Variants in WNK2 observed in about 807,000 individuals in gnomAD.
WNK2 encodes WNK lysine deficient protein kinase 2, also known as serine/threonine-protein kinase WNK2.
In WNK2, 67 loss-of-function variants were observed where a neutral mutation model predicts 192.1. That is an observed-to-expected ratio of 0.35 (90% CI 0.29 to 0.43). The LOEUF (loss-of-function observed/expected upper bound fraction) is 0.43. Among genes scored for constraint, WNK2 ranks in the 20% least tolerant of loss-of-function variants. The probability of loss-of-function intolerance (pLI) is 1.00; values close to 1 mark genes in which losing one functional copy is unlikely to be tolerated. For missense variants in WNK2, 2,698 were observed against 3,089.7 expected (o/e 0.87, Z 3.01); for synonymous variants, 1,439 against 1,393.9 (o/e 1.03, Z -0.72).
chr9:93,300,661 G>A (rs1052102488), intron 26 of WNK2, among the ~76,000 whole-genome samples: 1 of 152,136 alleles, frequency 6.6e-6, no homozygotes, highest in African/African-American at 2.4e-5. Flanking sequence ...GAGCCTATAC[G>A]GTTCTAAAGG....
chr9:93,297,798 G>A (rs1324621727), intron 23 of WNK2, 55 bp from the exon 24 acceptor site: 5 of 1,513,664 alleles, frequency 3.3e-6, no homozygotes, highest in Non-Finnish European at 4.5e-6. Context: ...AGGAGCTGGC[G>A]GTGTTGGAAA....
chr9:93,268,668 G>A lies in WNK2; in HGVS notation c.3955G>A (p.Ala1319Thr). The A allele has an allele frequency of 6.2e-7, 1 of 1,613,526 alleles. No individual in the cohort carries two copies. The highest frequency in any genetic ancestry group is 8.5e-7 in the Non-Finnish European group (1 of 1,179,806). Residue 1319 changes from alanine (A) to threonine (T), a missense_variant, in exon 19 of 30, where the codon GCT (alanine) becomes ACT (threonine). By Grantham distance (58) the Ala-to-Thr change is moderately conservative. Transcript: ENST00000427277. ...GKRWFIICPV[A>T]EHPAPEAPES... is the part of the protein sequence containing the mutation. ...GAGGTGGTTCATCATCTGTCCGGTGGCTGAGCACCCCGCCCCCGAGGCCCC... is the reference window on the plus strand; with the variant it reads ...GAGGTGGTTCATCATCTGTCCGGTGACTGAGCACCCCGCCCCCGAGGCCCC...
rs571834405 is a variant in WNK2 at position 93,268,766 on chromosome 9, A to T, written c.4033+20A>T. 2 of 1,604,240 alleles carry T rather than the reference A, an allele frequency of 1.2e-6. No homozygotes were observed. Among genetic ancestry groups the T allele is most frequent in the African/African-American group, 2.7e-5 (2 of 74,346 alleles). The stretch of plus-strand genomic sequence containing the variant: ...GCCAAGGTATGAGCAGCAGGCGCCC[A>T]CACAAGCCCCTCCCTGTTTCATGTA... On this transcript the variant is annotated intron_variant, in intron 19 of 29. Transcript: ENST00000427277.
chr9:93,288,691 A>T, intron 19 of WNK2, 97 bp from the exon 20 acceptor site: 1 of 1,257,036 alleles, frequency 8.0e-7, no homozygotes. Context: ...CGCTGGGGCC[A>T]TGGCCAGCTG....
At chr9:93,291,212 C>T (rs759356332) in intron 21 of WNK2, among the ~76,000 whole-genome samples, 15 of 152,182 alleles carry the variant, frequency 9.9e-5, no homozygotes, top group South Asian at 2.1e-4. Context: ...GCCCTGACCA[C>T]GCTGGGCTGC....
At chr9:93,237,710 C>G (rs1444343413) in intron 5 of WNK2, among the ~76,000 whole-genome samples, 1 of 152,212 alleles carries the variant, frequency 6.6e-6, no homozygotes, top group East Asian at 1.9e-4. Context: ...TGTACACATC[C>G]TGACCTGTGT....
At position 93,185,130 on chromosome 9, in the gene WNK2, C is replaced by T; in HGVS notation, c.201C>T (p.Pro67=). 2.3e-6 allele frequency: 3 copies of T among 1,307,058 alleles called. No homozygotes were observed. The highest frequency in any genetic ancestry group is 1.9e-5 in the South Asian group (1 of 52,600). 81.0% of individuals were successfully genotyped at this position (1,307,058 alleles called of 1,614,324 possible). A position where few individuals can be genotyped will look rare whatever the true frequency, so the allele number is the denominator to read the frequency against. ...LEAAEAPGPQ[P]PQPLQRRVLL... is the part of the protein sequence containing the mutation. ...CAGCCGAGGCGCCGGGCCCGCAGCC[C>T]CCGCAGCCCCTGCAGCGCCGGGTGC... Residue 67 remains proline (P), a synonymous_variant, in exon 2 of 30, where the codon CCC becomes CCT. Coordinates refer to ENST00000427277, the MANE Select transcript of WNK2 (RefSeq NM_006648.4).
In WNK2 at chr9:93,184,334, C is replaced by T. The variant is rs1828856913; in HGVS notation, c.-54C>T. Among the ~76,000 whole-genome samples the T allele has an allele frequency of 6.6e-6, 1 of 151,472 alleles. No homozygotes were observed. Among genetic ancestry groups the T allele is most frequent in the Admixed American group, 6.6e-5 (1 of 15,202 alleles). On this transcript the variant is annotated 5_prime_UTR_variant, in exon 1 of 30. Transcript: ENST00000427277. ...GTCCTCGAAGCGTGATCTCTCCCGC[C>T]TCGCACGCCCTGGCCGCCGGGCCGC...
rs923935689 is a variant in WNK2 at position 93,289,718 on chromosome 9, C to T, written c.4866+98C>T. Reference sequence around the variant, plus strand: ...GGCAGGCATCTTGGCTATGCAGAGCCGCCCTCACTCAGGGCCCGTCCCTCT... The same window carrying T: ...GGCAGGCATCTTGGCTATGCAGAGCTGCCCTCACTCAGGGCCCGTCCCTCT... On this transcript the variant is annotated intron_variant, in intron 20 of 29. Transcript: ENST00000427277. The T allele has an allele frequency of 5.7e-6, 7 of 1,236,740 alleles. No homozygotes were observed. The African/African-American group carries it at 6.1e-5, about 11-fold the overall frequency. 76.6% of individuals were successfully genotyped at this position (1,236,740 alleles called of 1,614,324 possible).
At chr9:93,290,710 T>TGC (rs1849206409) in intron 21 of WNK2, among the ~76,000 whole-genome samples, 1 of 152,162 alleles carries the variant, frequency 6.6e-6, no homozygotes, top group Non-Finnish European at 1.5e-5. Flanking sequence ...AGCAGAGCAG[T>TGC]GCGGTGGGGG....
rs72743432 is a variant in WNK2 at position 93,271,135 on chromosome 9, C to T, written c.4033+2389C>T. On this transcript the variant is annotated intron_variant, in intron 19 of 29. Transcript: ENST00000427277. The stretch of plus-strand genomic sequence containing the variant: ...GGCAACTGAGCTAATGAGTAGACCT[C>T]GCCCAGGTTCCAGTACACCTGTTTC... Among the ~76,000 whole-genome samples the T allele has an allele frequency of 1.0e-2, 1,516 of 152,314 alleles. 10 individuals are homozygous for T. Among genetic ancestry groups the T allele is most frequent in the South Asian group, 0.02 (95 of 4,828 alleles).
intron 19 of WNK2, among the ~76,000 whole-genome samples, chr9:93,275,992 T>C (rs547824012): frequency 6.6e-6 from 1 of 152,238 alleles, no homozygotes; most frequent in Non-Finnish European, 1.5e-5. Flanking sequence ...TGTTCATGGA[T>C]TGGAAGACTC....
chr9:93,301,099 C>G (rs1214253806), intron 26 of WNK2, among the ~76,000 whole-genome samples: 2 of 152,264 alleles, frequency 1.3e-5, no homozygotes, highest in African/African-American at 4.8e-5. Flanking sequence ...CCCAGGAACT[C>G]CATCTCCAGG....
In WNK2 at chr9:93,293,181, C is replaced by T; in HGVS notation, c.5708+8C>T. On this transcript the variant is annotated splice_region_variant and intron_variant, in intron 23 of 29. Coordinates refer to ENST00000427277, the MANE Select transcript of WNK2 (RefSeq NM_006648.4). ...GCAGAGTCTGCGGGAGAAGTAGGTC[C>T]TGCGGGCAGGAAGTGTTGCCCCCGC... The T allele has an allele frequency of 6.8e-7, 1 of 1,468,156 alleles. No homozygotes were observed. Among genetic ancestry groups the T allele is most frequent in the Middle Eastern group, 1.8e-4 (1 of 5,556 alleles). 90.9% of individuals were successfully genotyped at this position (1,468,156 alleles called of 1,614,324 possible).
intron 14 of WNK2, 128 bp from the exon 15 acceptor site, chr9:93,263,438 G>GA: frequency 8.1e-7 from 1 of 1,236,458 alleles, no homozygotes; most frequent in Non-Finnish European, 1.1e-6. Flanking sequence ...CACAGGACGG[G>GA]CTGCCTCTGT....
intron 27 of WNK2, chr9:93,308,106 G>A (rs1470357454): frequency 5.6e-5 from 50 of 887,048 alleles, no homozygotes; most frequent in Admixed American, 2.1e-4. Context: ...CCTGGCTTCT[G>A]AGGTGGGTGA....
chr9:93,234,475 G>A (rs534512363), intron 4 of WNK2, among the ~76,000 whole-genome samples: 103 of 152,224 alleles, frequency 6.8e-4, no homozygotes, highest in Non-Finnish European at 1.1e-3. Flanking sequence ...CACAGGCGAG[G>A]GCGTACTCAG....
rs367549898 is a variant in WNK2 at position 93,208,045 on chromosome 9, C to T, written c.682-21651C>T. ...TCATCTCCTCCCCAGGCCCTGCCTC[C>T]GGTGCCTGGCTTTTCTTGCTATTAT... On this transcript the variant is annotated intron_variant, in intron 2 of 29. Transcript: ENST00000427277. Among the ~76,000 whole-genome samples the T allele has an allele frequency of 2.9e-4, 44 of 152,290 alleles. 1 individual carries two copies. The South Asian group carries it at 8.9e-3, about 31-fold the overall frequency.
intron 12 of WNK2, among the ~76,000 whole-genome samples, chr9:93,261,516 G>C (rs976837019): frequency 1.3e-5 from 2 of 152,240 alleles, no homozygotes; most frequent in African/African-American, 4.8e-5. Flanking sequence ...GATGCTGTGT[G>C]TCCTGTTCTC....
Sources: gnomAD v4.1 joint callset for allele counts (sites outside exome capture counted in the v4.1 genomes callset) on GRCh38, gnomAD v4.1.1 for gene constraint, MANE v1.5 for transcripts, NCBI Gene and HGNC (gene_info 2026-07-23, HGNC 2026-07-21) for gene names.